The following SGPL1 variants were observed in gnomAD, a reference collection of about 807,000 sequenced individuals.
SGPL1 encodes the protein sphingosine-1-phosphate lyase 1.
A neutral mutation model predicts 68.9 loss-of-function variants in SGPL1; 37 were observed. The observed-to-expected ratio is 0.54, with a 90% CI of 0.41 to 0.71. The LOEUF (loss-of-function observed/expected upper bound fraction) is 0.71. SGPL1 is among the 30% of genes least tolerant of loss of function. SGPL1 has a pLI of 0.00. For synonymous variants in SGPL1, 236 were observed against 248.5 expected (o/e 0.95, Z 0.47); for missense variants, 551 against 704.6 (o/e 0.78, Z 2.47).
Position 70,859,454 on chromosome 10 carries a change from G to C in SGPL1, c.570G>C (p.Arg190Ser). The C allele has an allele frequency of 1.3e-6, 2 of 1,569,432 alleles. No individual in the cohort carries two copies. Among genetic ancestry groups the C allele is most frequent in the East Asian group, 4.8e-5 (2 of 41,764 alleles). The change falls in exon 7 of 15, where the codon AGG (arginine) becomes AGC (serine). Residue 190 changes from arginine to serine, a missense_variant. Transcript: ENST00000373202. Reference sequence around the variant, plus strand: ...GCAAGATAGAGGCAGAAATCGTGAGGATAGCTTGTTCCCTGTTCAATGGGG... The same window carrying C: ...GCAAGATAGAGGCAGAAATCGTGAGCATAGCTTGTTCCCTGTTCAATGGGG... ...GLRKIEAEIV[R>S]IACSLFNGGP...
chr10:70,837,971 T>G (rs577366157), intron 2 of SGPL1, among the ~76,000 whole-genome samples: 2 of 152,212 alleles, frequency 1.3e-5, no homozygotes, highest in South Asian at 4.2e-4. Context: ...AGGAGCCCAC[T>G]CCCAAGATAA....
At chr10:70,817,019 G>T (rs1170320494) in intron 2 of SGPL1, 139 bp downstream of exon 2, 8 of 906,792 alleles carry the variant, frequency 8.8e-6, no homozygotes, top group African/African-American at 1.6e-5. Flanking sequence ...ATTTTGTTTT[G>T]TTTTGTTTTG....
intron 2 of SGPL1, among the ~76,000 whole-genome samples, chr10:70,827,310 TTC>T (rs1021891286): frequency 1.3e-5 from 2 of 152,240 alleles, no homozygotes; most frequent in African/African-American, 4.8e-5. Flanking sequence ...CACTTGGATT[TTC>T]TGTTTTGTGG....
chr10:70,829,780 A>G (rs896083153), intron 2 of SGPL1, among the ~76,000 whole-genome samples: 14 of 152,164 alleles, frequency 9.2e-5, no homozygotes, highest in African/African-American at 3.4e-4. Flanking sequence ...ACAGATTAAC[A>G]TGACTCTCAG....
intron 3 of SGPL1, among the ~76,000 whole-genome samples, chr10:70,849,484 C>A (rs1343182566): frequency 6.6e-6 from 1 of 152,124 alleles, no homozygotes. Context: ...CAAAAAGTAA[C>A]CACAAACAAG....
intron 12 of SGPL1, among the ~76,000 whole-genome samples, chr10:70,874,622 C>G (rs1488477611): frequency 6.6e-6 from 1 of 152,146 alleles, no homozygotes; most frequent in African/African-American, 2.4e-5. Flanking sequence ...ACTCAGGAGG[C>G]TGAGGCAGGA....
chr10:70,857,719 G>GT lies in SGPL1; in HGVS notation c.486+30dup, dbSNP rs762015574. 1.3e-5 allele frequency: 20 copies of GT among 1,505,658 alleles called. No individual in the cohort carries two copies. The Admixed American group carries it at 3.8e-4, about 28-fold the overall frequency. The allele number at this position is 1,505,658 out of a possible 1,614,324, so 93.3% of individuals were successfully genotyped here. The stretch of plus-strand genomic sequence containing the variant: ...AGTGTCCAGTTCTTGAGGGAAGCCT[G>GT]TGAGGTCTGTGCCAGTTTACATGAC... On this transcript the variant is annotated intron_variant, in intron 6 of 14. Coordinates refer to ENST00000373202, the MANE Select transcript of SGPL1 (RefSeq NM_003901.4).
chr10:70,824,828 A>G (rs1018921563), intron 2 of SGPL1, among the ~76,000 whole-genome samples: 3 of 152,222 alleles, frequency 2.0e-5, no homozygotes, highest in South Asian at 2.1e-4. Flanking sequence ...ACAGCTATAT[A>G]TAAACATGGG....
intron 1 of SGPL1, among the ~76,000 whole-genome samples, chr10:70,816,445 A>G (rs1042993807): frequency 1.3e-5 from 2 of 152,098 alleles, no homozygotes; most frequent in African/African-American, 4.8e-5. Context: ...CTGATTCTGA[A>G]GGGAGTGCGG....
At chr10:70,829,399 T>G (rs1845494667) in intron 2 of SGPL1, among the ~76,000 whole-genome samples, 1 of 152,170 alleles carries the variant, frequency 6.6e-6, no homozygotes, top group Non-Finnish European at 1.5e-5. Context: ...TCCAGCTCCT[T>G]TGTGACTGGG....
At chr10:70,856,748 A>G (rs1468428287) in intron 5 of SGPL1, among the ~76,000 whole-genome samples, 2 of 152,210 alleles carry the variant, frequency 1.3e-5, no homozygotes, top group Non-Finnish European at 2.9e-5. Context: ...CCTTGGCTCC[A>G]TGCAGTTTTT....
rs371215901 is a variant in SGPL1, at chr10:70,871,998, A to C, written c.1059+12A>C. The C allele has an allele frequency of 3.5e-5, 57 of 1,611,504 alleles. 1 individual carries two copies. In the African/African-American group the frequency reaches 7.2e-4, roughly 20 times the overall value. On this transcript the variant is annotated intron_variant, in intron 11 of 14. Transcript: ENST00000373202. ...CTGACACCCATAAGGTGAGCTAAGG[A>C]GGAGATCAAGTGTTACCAGTTGATT...
At chr10:70,850,866 G>C (rs963846732) in intron 3 of SGPL1, among the ~76,000 whole-genome samples, 2 of 138,210 alleles carry the variant, frequency 1.4e-5, no homozygotes, top group African/African-American at 5.3e-5. Flanking sequence ...GGAAACTCAG[G>C]GGGGTAGCAT....
At position 70,817,614 on chromosome 10, in the gene SGPL1, A is replaced by G. The variant is rs139607739; in HGVS notation, c.27+734A>G. On this transcript the variant is annotated intron_variant, in intron 2 of 14. Coordinates refer to ENST00000373202, the MANE Select transcript of SGPL1 (RefSeq NM_003901.4). ...CACCTCTCCTGGCTTTCTTTTTCAT[A>G]ATTCTTGCAGTTTTAATCCCTCCCT... Among the ~76,000 whole-genome samples, 1,230 of 152,130 alleles carry G rather than the reference A, an allele frequency of 8.1e-3. 11 individuals are homozygous for G. The highest frequency in any genetic ancestry group is 0.014 in the Non-Finnish European group (976 of 67,994).
At chr10:70,869,052 A>G (rs1235350518) in intron 8 of SGPL1, 1 of 152,848 alleles carries the variant, frequency 6.5e-6, no homozygotes, top group Non-Finnish European at 1.5e-5. Context: ...GATTTATTGC[A>G]TATGGTCTCA....
chr10:70,846,383 T>C (rs977823188), intron 3 of SGPL1, among the ~76,000 whole-genome samples: 6 of 5,648 alleles, frequency 1.1e-3, no homozygotes, highest in Non-Finnish European at 4.1e-3. Context: ...TTTTTAACTT[T>C]TCATTAAAAA....
intron 5 of SGPL1, among the ~76,000 whole-genome samples, chr10:70,855,896 TC>T (rs1845955698): frequency 6.6e-6 from 1 of 152,212 alleles, no homozygotes; most frequent in Non-Finnish European, 1.5e-5. Context: ...TTCTAGTTCA[TC>T]AGGGTTTTTT....
chr10:70,827,845 G>A (rs1443784338), intron 2 of SGPL1, among the ~76,000 whole-genome samples: 1 of 152,084 alleles, frequency 6.6e-6, no homozygotes, highest in African/African-American at 2.4e-5. Context: ...CAAAGGTTTT[G>A]CTTAGTTTTG....
At chr10:70,875,286 AG>A (rs1269807377) in intron 12 of SGPL1, 115 bp from the exon 13 acceptor site, 2 of 654,444 alleles carry the variant, frequency 3.1e-6, no homozygotes, top group African/African-American at 3.6e-5. Flanking sequence ...TAAAGCCCAA[AG>A]GGTTAGATTG....
Sources: gnomAD v4.1 joint callset for allele counts (sites outside exome capture counted in the v4.1 genomes callset) on GRCh38, gnomAD v4.1.1 for gene constraint, MANE v1.5 for transcripts, NCBI Gene and HGNC (gene_info 2026-07-23, HGNC 2026-07-21) for gene names.